The following MDN1 variants were observed in gnomAD, a reference collection of about 807,000 sequenced individuals.
The protein encoded by MDN1 is midasin AAA ATPase 1, also known as midasin.
A neutral mutation model predicts 669.2 loss-of-function variants in MDN1; 266 were observed. The observed-to-expected ratio is 0.40, with a 90% CI of 0.36 to 0.44. MDN1 has a LOEUF of 0.44. Ranked by LOEUF, MDN1 falls within the 20% of genes least tolerant of loss-of-function variation. The probability of loss-of-function intolerance (pLI) is 1.00; values close to 1 mark genes in which losing one functional copy is unlikely to be tolerated. For synonymous variants in MDN1, 2,385 were observed against 2,457.1 expected (o/e 0.97, Z 0.87); for missense variants, 5,940 against 6,754.0 (o/e 0.88, Z 4.22).
At chr6:89,779,064 C>T (rs933007334) in intron 11 of MDN1, among the ~76,000 whole-genome samples, 1 of 151,622 alleles carries the variant, frequency 6.6e-6, no homozygotes, top group East Asian at 1.9e-4. Context: ...ATTTATAATA[C>T]CTAATACAAA....
chr6:89,647,601 G>A (rs1184374577), intron 99 of MDN1, among the ~76,000 whole-genome samples: 1 of 152,150 alleles, frequency 6.6e-6, no homozygotes, highest in African/African-American at 2.4e-5. Context: ...GGATGCTAAG[G>A]AAGCTTCTAT....
At position 89,680,626 on chromosome 6, in the gene MDN1, G is replaced by A. The variant is rs1207170394; in HGVS notation, c.12228C>T (p.Pro4076=). The change falls in exon 74 of 102, where the codon CCC becomes CCT. Residue 4076 remains proline (P), a synonymous_variant. Transcript: ENST00000369393. ...KMCLTFMKES[P]LPRLVEGLDQ... ...CAAGGCCCTCCACAAGGCGAGGCAG[G>A]GGGCTCTCCTTCATGAACGTCAGGC... The A allele has an allele frequency of 1.2e-5, 19 of 1,614,176 alleles. No individual in the cohort carries two copies. The highest frequency in any genetic ancestry group is 1.5e-5 in the Non-Finnish European group (18 of 1,180,032).
At chr6:89,669,921 C>A (rs1810521281) in intron 83 of MDN1, among the ~76,000 whole-genome samples, 1 of 151,548 alleles carries the variant, frequency 6.6e-6, no homozygotes, top group South Asian at 2.1e-4. Flanking sequence ...AAGAAAAAAA[C>A]TGGCTGGGCG....
chr6:89,672,760 T>G (rs1027804096), intron 80 of MDN1, 58 bp from the exon 81 acceptor site: 1 of 1,554,178 alleles, frequency 6.4e-7, no homozygotes, highest in African/African-American at 1.4e-5. Flanking sequence ...ATCATTTGCT[T>G]TAGTGCCTCT....
At chr6:89,796,324 CAAAAAA>C (rs35169575) in intron 2 of MDN1, among the ~76,000 whole-genome samples, 11 of 45,378 alleles carry the variant, frequency 2.4e-4, no homozygotes, top group East Asian at 1.0e-3. Flanking sequence ...AACTCTGTCT[CAAAAAA>C]AAAAAAAAAA....
At chr6:89,648,813 C>CAAAA (rs61330666) in intron 97 of MDN1, among the ~76,000 whole-genome samples, 6 of 122,108 alleles carry the variant, frequency 4.9e-5, no homozygotes, top group East Asian at 2.3e-4. Context: ...ACCCTGTCTT[C>CAAAA]AAAAAAAAAA....
intron 34 of MDN1, among the ~76,000 whole-genome samples, chr6:89,731,227 T>C (rs532006890): frequency 7.6e-4 from 116 of 152,324 alleles, no homozygotes; most frequent in Admixed American, 1.1e-3. Context: ...CAAATCTTCA[T>C]GGCTGAAAAA....
intron 2 of MDN1, chr6:89,797,612 C>T (rs1584387569): frequency 4.6e-6 from 2 of 437,116 alleles, no homozygotes; most frequent in Admixed American, 2.7e-5. Flanking sequence ...CCATGGGATT[C>T]GTAGGCCATT....
intron 13 of MDN1, among the ~76,000 whole-genome samples, chr6:89,773,946 C>T (rs1818231580): frequency 6.8e-6 from 1 of 147,870 alleles, no homozygotes; most frequent in African/African-American, 2.5e-5. Flanking sequence ...GCCTAGGCAA[C>T]GGAGTGAGAC....
At chr6:89,700,323 A>G (rs781575878) in intron 56 of MDN1, 29 bp from the exon 57 acceptor site, 33 of 1,549,230 alleles carry the variant, frequency 2.1e-5, no homozygotes, top group Admixed American at 6.7e-5. Context: ...GTTGTATGAG[A>G]GCACAATGGT....
intron 53 of MDN1, among the ~76,000 whole-genome samples, chr6:89,702,302 G>A (rs550467563): frequency 1.3e-5 from 2 of 152,286 alleles, no homozygotes; most frequent in South Asian, 2.1e-4. Flanking sequence ...AGTATTTGAA[G>A]CATGAAGTTA....
rs778601412 is a variant in MDN1 at position 89,658,377 on chromosome 6, C to G, written c.15022-7G>C. 1 of 1,613,858 alleles carries G rather than the reference C, an allele frequency of 6.2e-7. No homozygotes were observed. The highest frequency in any genetic ancestry group is 8.5e-7 in the Non-Finnish European group (1 of 1,180,026). The stretch of plus-strand genomic sequence containing the variant: ...CCTCCCGTTCTTCTTCCTCCTTCGG[C>G]AGAGAAATCAAACACAGCATTAAAT... On this transcript the variant is annotated splice_polypyrimidine_tract_variant and splice_region_variant and intron_variant, in intron 89 of 101. Transcript: ENST00000369393.
chr6:89,752,337 A>G (rs1357361808), intron 22 of MDN1, among the ~76,000 whole-genome samples: 1 of 152,212 alleles, frequency 6.6e-6, no homozygotes, highest in Non-Finnish European at 1.5e-5. Context: ...AGAGACTGGT[A>G]TTTGATTACA....
At position 89,785,056 on chromosome 6, in the gene MDN1, T is replaced by C. The variant is rs1046345148; in HGVS notation, c.1405A>G (p.Thr469Ala). 1 of 1,613,950 alleles carries C rather than the reference T, an allele frequency of 6.2e-7. No individual in the cohort carries two copies. The highest frequency in any genetic ancestry group is 1.3e-5 in the African/African-American group (1 of 74,916). The change falls in exon 9 of 102, where the codon ACC (threonine) becomes GCC (alanine). Residue 469 changes from threonine to alanine, a missense_variant. Thr to Ala is a moderately conservative substitution (Grantham distance 58). Transcript: ENST00000369393. ...TCCAGGTTATCCAGGTGAATTTTGG[T>C]CCAATATTTGTCTAGCAAAGTAGCA... ...SHATLLDKYW[T>A]KIHLDNLDKR... is the part of the protein sequence containing the mutation.
rs1023876235 is a variant in MDN1 at position 89,732,423 on chromosome 6, A to G, written c.4942+134T>C. The G allele has an allele frequency of 6.8e-6, 5 of 738,912 alleles. No individual in the cohort carries two copies. In the African/African-American group the frequency reaches 8.9e-5, roughly 13 times the overall value. The allele number at this position is 738,912 out of a possible 1,614,324, so 45.8% of individuals were successfully genotyped here. On this transcript the variant is annotated intron_variant, in intron 34 of 101. Transcript: ENST00000369393. ...CCTTTCAAAGAGTACAAACAAAAGGAAAGCCATTCTGAGTTTTAGAAATGT... is the reference window on the plus strand; with the variant it reads ...CCTTTCAAAGAGTACAAACAAAAGGGAAGCCATTCTGAGTTTTAGAAATGT...
rs764933792 is a variant in MDN1, at chr6:89,685,893, C to G, written c.11653G>C (p.Val3885Leu). 1 of 1,614,126 alleles carries G rather than the reference C, an allele frequency of 6.2e-7. No homozygotes were observed. Among genetic ancestry groups the G allele is most frequent in the East Asian group, 2.2e-5 (1 of 44,870 alleles). ...IEGSSLGEFH[V>L]RLQMLLVFHC... ...AAAACCAGTAACATCTGAAGTCGCACATGGAACTCTCCCAGCGAGGATCCT... is the reference window on the plus strand; with the variant it reads ...AAAACCAGTAACATCTGAAGTCGCAGATGGAACTCTCCCAGCGAGGATCCT... The change falls in exon 70 of 102, where the codon GTG becomes CTG. Residue 3885 changes from valine (V) to leucine (L), a missense_variant. Physicochemically the swap from Val to Leu is conservative, Grantham distance 32. Around this residue, in one of 5 missense-constraint regions of MDN1, gnomAD observed 2,280 missense variants for 2,576.3 expected, o/e 0.88. Transcript: ENST00000369393.
chr6:89,744,729 A>T (rs954234812), intron 29 of MDN1, among the ~76,000 whole-genome samples: 1 of 151,936 alleles, frequency 6.6e-6, no homozygotes, highest in African/African-American at 2.4e-5. Flanking sequence ...AAAAAAATTT[A>T]AAAATTAGCC....
rs553157663 is a variant in MDN1 at position 89,656,878 on chromosome 6, C to T, written c.15184-77G>A. On this transcript the variant is annotated intron_variant, in intron 90 of 101. Transcript: ENST00000369393. ...CCTGGTTACTGTGCTGCATTGAATACAACTTCTCTCACTGCTGTCCTTTAT... is the reference window on the plus strand; with the variant it reads ...CCTGGTTACTGTGCTGCATTGAATATAACTTCTCTCACTGCTGTCCTTTAT... The T allele has an allele frequency of 6.0e-6, 7 of 1,173,250 alleles. No individual in the cohort carries two copies. The East Asian group carries it at 1.2e-4, about 20-fold the overall frequency. The allele number at this position is 1,173,250 out of a possible 1,614,324, so 72.7% of individuals were successfully genotyped here. A position where few individuals can be genotyped will look rare whatever the true frequency, so the allele number is the denominator to read the frequency against.
chr6:89,751,534 A>T lies in MDN1; in HGVS notation c.3124T>A (p.Trp1042Arg). Residue 1042 changes from tryptophan (W) to arginine (R), a missense_variant, in exon 23 of 102, where the codon TGG becomes AGG. Coordinates refer to ENST00000369393, the MANE Select transcript of MDN1 (RefSeq NM_014611.3). ...GGCTCCTTGTCTCCCACCGCAATCC[A>T]GTAGCCTTCAACCTGGATAAGCCGA... ...GGRLIQVEGY[W>R]IAVGDKEPTI... 1.2e-6 allele frequency: 2 copies of T among 1,614,162 alleles called. No individual in the cohort carries two copies. The highest frequency in any genetic ancestry group is 1.7e-6 in the Non-Finnish European group (2 of 1,180,018).
Sources: allele counts gnomAD v4.1 joint callset (sites outside exome capture counted in the v4.1 genomes callset), GRCh38; gene constraint gnomAD v4.1.1; regional missense constraint gnomAD v4.1.1; transcripts MANE v1.5; gene names NCBI Gene and HGNC (gene_info 2026-07-23, HGNC 2026-07-21).